LRRC4C: variants seen among roughly 807,000 people sequenced by gnomAD.
The protein encoded by LRRC4C is leucine rich repeat containing 4C.
In LRRC4C, 5 loss-of-function variants were observed where a neutral mutation model predicts 33.6. The observed-to-expected ratio is 0.15, with a 90% CI of 0.08 to 0.31. The LOEUF (loss-of-function observed/expected upper bound fraction) is 0.31, where lower values mean the gene tolerates loss of function less well. Ranked by LOEUF, LRRC4C falls within the 10% of genes least tolerant of loss-of-function variation. The pLI, the probability that LRRC4C is intolerant of heterozygous loss-of-function variation, is 1.00. For synonymous variants in LRRC4C, 329 were observed against 302.0 expected, an observed-to-expected ratio of 1.09 and a Z score of -0.93; for missense variants, 560 against 796.7, an observed-to-expected ratio of 0.70 and a Z score of 3.58.
intron 1 of LRRC4C, among the ~76,000 whole-genome samples, chr11:41,130,050 G>T (rs1049188973): frequency 2.6e-5 from 4 of 151,994 alleles, no homozygotes; most frequent in Admixed American, 2.6e-4. Context: ...TGAGAAGAGA[G>T]AATAGGATGT....
At chr11:40,277,710 T>C (rs1943212657) in intron 4 of LRRC4C, among the ~76,000 whole-genome samples, 1 of 152,100 alleles carries the variant, frequency 6.6e-6, no homozygotes, top group Non-Finnish European at 1.5e-5. Context: ...ATTGAGCTTA[T>C]TTGAGCTTCC....
chr11:40,795,879 G>C (rs1395458269), intron 2 of LRRC4C, among the ~76,000 whole-genome samples: 1 of 151,986 alleles, frequency 6.6e-6, no homozygotes, highest in Admixed American at 6.6e-5. Context: ...GAATTAATAG[G>C]GCCACCTCCA....
intron 2 of LRRC4C, among the ~76,000 whole-genome samples, chr11:40,820,918 AC>A (rs1591805888): frequency 1.3e-5 from 2 of 151,924 alleles, no homozygotes; most frequent in East Asian, 3.9e-4. Context: ...AGAAATTCAC[AC>A]AAAAAGTCCA....
chr11:40,860,024 T>G (rs933517064), intron 2 of LRRC4C, among the ~76,000 whole-genome samples: 1 of 151,854 alleles, frequency 6.6e-6, no homozygotes, highest in African/African-American at 2.4e-5. Context: ...AGGCGGAGGT[T>G]GCAGTGAGCC....
intron 3 of LRRC4C, among the ~76,000 whole-genome samples, chr11:40,325,965 A>G (rs1327271830): frequency 6.6e-6 from 1 of 151,690 alleles, no homozygotes; most frequent in Non-Finnish European, 1.5e-5. Flanking sequence ...TCAAAGCTTG[A>G]TCTGTAACTG....
At chr11:41,364,280 C>T (rs1363710946) in intron 1 of LRRC4C, among the ~76,000 whole-genome samples, 1 of 152,082 alleles carries the variant, frequency 6.6e-6, no homozygotes, top group Non-Finnish European at 1.5e-5. Flanking sequence ...TGAATTATAA[C>T]CACTTTTTTT....
chr11:40,352,526 T>C (rs1022833095), intron 3 of LRRC4C, among the ~76,000 whole-genome samples: 2 of 152,136 alleles, frequency 1.3e-5, no homozygotes, highest in African/African-American at 4.8e-5. Flanking sequence ...TAGTTACATA[T>C]GTATATCTTC....
rs552306333 is a variant in LRRC4C, at chr11:40,396,614, G to T, written c.-269-76893C>A. Among the ~76,000 whole-genome samples the T allele has an allele frequency of 2.6e-5, 4 of 152,178 alleles. No individual in the cohort carries two copies. In the East Asian group the frequency reaches 7.7e-4, roughly 29 times the overall value. On this transcript the variant is annotated intron_variant, in intron 3 of 6. Coordinates refer to ENST00000528697, the MANE Select transcript of LRRC4C (RefSeq NM_001258419.2). ...GAGAACATGTAGAATATTTAATAGA[G>T]AAACCTATTAGTAAAATCGGACATC...
At chr11:41,038,485 T>G (rs1253116810) in intron 1 of LRRC4C, among the ~76,000 whole-genome samples, 1 of 152,200 alleles carries the variant, frequency 6.6e-6, no homozygotes, top group Non-Finnish European at 1.5e-5. Flanking sequence ...CTCACTTTAT[T>G]TGCTTCTCCC....
intron 1 of LRRC4C, among the ~76,000 whole-genome samples, chr11:41,251,133 C>T (rs1443514775): frequency 6.6e-6 from 1 of 152,148 alleles, no homozygotes; most frequent in East Asian, 1.9e-4. Flanking sequence ...ATTTATTTTA[C>T]AAAAGCATTT....
intron 4 of LRRC4C, among the ~76,000 whole-genome samples, chr11:40,254,604 T>C (rs1442218988): frequency 3.9e-5 from 6 of 152,218 alleles, no homozygotes; most frequent in East Asian, 1.9e-4. Context: ...TAGAATTGTA[T>C]AGCATATGTG....
At chr11:40,311,771 C>T (rs913925676) in intron 4 of LRRC4C, among the ~76,000 whole-genome samples, 1 of 151,888 alleles carries the variant, frequency 6.6e-6, no homozygotes, top group East Asian at 2.0e-4. Flanking sequence ...TTGGTGAAAC[C>T]CTGTCTCTAC....
intron 3 of LRRC4C, among the ~76,000 whole-genome samples, chr11:40,334,335 A>G (rs1271241327): frequency 6.6e-6 from 1 of 152,174 alleles, no homozygotes; most frequent in Non-Finnish European, 1.5e-5. Context: ...CACAAAAAAA[A>G]AAAAGTAAGC....
At chr11:40,686,848 G>C (rs1281950028) in intron 2 of LRRC4C, among the ~76,000 whole-genome samples, 1 of 151,828 alleles carries the variant, frequency 6.6e-6, no homozygotes, top group Admixed American at 6.6e-5. Context: ...AACACTCCAA[G>C]AGACATCTTC....
At chr11:41,334,644 T>TAA (rs1951394864) in intron 1 of LRRC4C, among the ~76,000 whole-genome samples, 1 of 151,880 alleles carries the variant, frequency 6.6e-6, no homozygotes, top group African/African-American at 2.4e-5. Flanking sequence ...ACAGTCCGGG[T>TAA]AAAAAGTGAG....
intron 5 of LRRC4C, among the ~76,000 whole-genome samples, chr11:40,209,816 C>A (rs572677841): frequency 6.6e-6 from 1 of 152,094 alleles, no homozygotes; most frequent in Non-Finnish European, 1.5e-5. Flanking sequence ...ATAATGTAAG[C>A]ATAAATCATA....
At chr11:41,242,952 C>T (rs750727161) in intron 1 of LRRC4C, among the ~76,000 whole-genome samples, 6 of 152,094 alleles carry the variant, frequency 3.9e-5, no homozygotes, top group Non-Finnish European at 8.8e-5. Flanking sequence ...AAAAGCAATA[C>T]TGAGTGAGTT....
chr11:40,427,953 T>G (rs1216791508), intron 3 of LRRC4C, among the ~76,000 whole-genome samples: 1 of 152,194 alleles, frequency 6.6e-6, no homozygotes, highest in Non-Finnish European at 1.5e-5. Flanking sequence ...CTTTCAAAAA[T>G]TATTAGATTA....
At chr11:40,907,983 C>T (rs1228774050) in intron 2 of LRRC4C, among the ~76,000 whole-genome samples, 1 of 152,124 alleles carries the variant, frequency 6.6e-6, no homozygotes, top group Non-Finnish European at 1.5e-5. Context: ...ATTATATCCA[C>T]TGAAATATGA....
Sources: gnomAD v4.1 joint callset for allele counts (sites outside exome capture counted in the v4.1 genomes callset) on GRCh38, gnomAD v4.1.1 for gene constraint, MANE v1.5 for transcripts, NCBI Gene and HGNC (gene_info 2026-07-23, HGNC 2026-07-21) for gene names.